SLC24A4: variants seen among roughly 807,000 people sequenced by gnomAD.
SLC24A4 encodes the protein solute carrier family 24 member 4.
SLC24A4 carries 53 observed loss-of-function variants against 79.0 expected under a neutral mutation model. The observed-to-expected ratio is 0.67, with a 90% confidence interval of 0.54 to 0.84. The LOEUF (loss-of-function observed/expected upper bound fraction) is 0.84. Among genes scored for constraint, SLC24A4 ranks in the 40% least tolerant of loss-of-function variants. The pLI is 0.00. For missense variants in SLC24A4, 731 were observed against 822.0 expected (o/e 0.89, Z 1.35); for synonymous variants, 323 against 323.8 (o/e 1.00, Z 0.03).
chr14:92,443,582 A>C, intron 7 of SLC24A4, 108 bp downstream of exon 7: 1 of 1,107,840 alleles, frequency 9.0e-7, no homozygotes, highest in Non-Finnish European at 1.3e-6. Flanking sequence ...GACTCACAGC[A>C]CACAATAGTG....
At chr14:92,437,214 T>C (rs150678409) in intron 3 of SLC24A4, among the ~76,000 whole-genome samples, 40 of 152,356 alleles carry the variant, frequency 2.6e-4, no homozygotes, top group African/African-American at 9.6e-4. Flanking sequence ...ATTCTCTGTT[T>C]TCCACTCTCT....
At chr14:92,465,223 T>C (rs2139874341) in intron 12 of SLC24A4, among the ~76,000 whole-genome samples, 1 of 152,280 alleles carries the variant, frequency 6.6e-6, no homozygotes, top group Admixed American at 6.5e-5. Context: ...CAGGGGTCCT[T>C]GAAGTGGGTG....
At chr14:92,457,852 G>A (rs1371298646) in intron 12 of SLC24A4, among the ~76,000 whole-genome samples, 1 of 152,240 alleles carries the variant, frequency 6.6e-6, no homozygotes, top group Non-Finnish European at 1.5e-5. Flanking sequence ...CTGAGCACCT[G>A]ACTTGGGAGG....
At chr14:92,415,529 C>G (rs989755521) in intron 2 of SLC24A4, among the ~76,000 whole-genome samples, 1 of 152,306 alleles carries the variant, frequency 6.6e-6, no homozygotes, top group African/African-American at 2.4e-5. Flanking sequence ...ATGATCTCAG[C>G]TCACTGCAAC....
At position 92,355,698 on chromosome 14, in the gene SLC24A4, G is replaced by T. The variant is rs563417217; in HGVS notation, c.241+29720G>T. On this transcript the variant is annotated intron_variant, in intron 2 of 16. Coordinates refer to ENST00000532405, the MANE Select transcript of SLC24A4 (RefSeq NM_153646.4). The stretch of plus-strand genomic sequence containing the variant: ...CCTGCTCCAGTTTCAGGAGAATCTG[G>T]CTGAGACCCTGTTATCATACCTTGG... Among the ~76,000 whole-genome samples, 3 of 152,308 alleles carry T rather than the reference G, an allele frequency of 2.0e-5. No homozygotes were observed. The South Asian group carries it at 6.2e-4, about 32-fold the overall frequency.
intron 12 of SLC24A4, among the ~76,000 whole-genome samples, chr14:92,479,371 G>C (rs111944297): frequency 1.3e-5 from 2 of 152,356 alleles, no homozygotes; most frequent in African/African-American, 4.8e-5. Context: ...ATCCAGTTGA[G>C]AAGGTTCCCT....
chr14:92,447,296 T>G, intron 8 of SLC24A4, 75 bp from the exon 9 acceptor site: 2 of 1,391,710 alleles, frequency 1.4e-6, no homozygotes, highest in Non-Finnish European at 2.0e-6. Flanking sequence ...CTTCCCCACT[T>G]CTGGACCCCT....
chr14:92,391,117 A>G (rs757916794), intron 2 of SLC24A4, among the ~76,000 whole-genome samples: 113 of 152,276 alleles, frequency 7.4e-4, no homozygotes, highest in Middle Eastern at 6.8e-3. Flanking sequence ...GGCCCCACCT[A>G]CATGCAAGGG....
At chr14:92,335,829 G>C (rs1419935652) in intron 2 of SLC24A4, among the ~76,000 whole-genome samples, 2 of 152,158 alleles carry the variant, frequency 1.3e-5, no homozygotes, top group Non-Finnish European at 2.9e-5. Flanking sequence ...AATAAGTGGG[G>C]TAGAAAAAGA....
At chr14:92,340,312 T>C (rs1373192999) in intron 2 of SLC24A4, among the ~76,000 whole-genome samples, 1 of 152,226 alleles carries the variant, frequency 6.6e-6, no homozygotes, top group East Asian at 1.9e-4. Flanking sequence ...TCGTAATCAC[T>C]GCATGTGACC....
chr14:92,393,826 C>T (rs1889624242), intron 2 of SLC24A4, among the ~76,000 whole-genome samples: 1 of 151,948 alleles, frequency 6.6e-6, no homozygotes, highest in Non-Finnish European at 1.5e-5. Flanking sequence ...GCCTGGCCAG[C>T]CTGGTGAAAC....
intron 12 of SLC24A4, 87 bp from the exon 13 acceptor site, chr14:92,482,593 A>C: frequency 7.6e-7 from 1 of 1,320,598 alleles, no homozygotes; most frequent in South Asian, 1.5e-5. Context: ...TTTAGCTTGA[A>C]GACTAAATCG....
At chr14:92,389,375 G>C (rs569456788) in intron 2 of SLC24A4, among the ~76,000 whole-genome samples, 1 of 152,242 alleles carries the variant, frequency 6.6e-6, no homozygotes, top group Admixed American at 6.5e-5. Context: ...TGACATTTCT[G>C]CTAGAAATTA....
At chr14:92,356,738 G>T (rs1280228253) in intron 2 of SLC24A4, among the ~76,000 whole-genome samples, 1 of 152,172 alleles carries the variant, frequency 6.6e-6, no homozygotes, top group Non-Finnish European at 1.5e-5. Flanking sequence ...GGCCCCTATG[G>T]ACACACAGTG....
At chr14:92,362,845 G>A (rs1052236723) in intron 2 of SLC24A4, among the ~76,000 whole-genome samples, 2 of 152,192 alleles carry the variant, frequency 1.3e-5, no homozygotes, top group East Asian at 1.9e-4. Context: ...AGAGAGAGGC[G>A]GCAGCTCCGG....
chr14:92,384,317 G>C (rs10132746), intron 2 of SLC24A4, among the ~76,000 whole-genome samples: 10,429 of 152,192 alleles, frequency 0.069, 950 homozygotes, highest in African/African-American at 0.21. Flanking sequence ...CAAGACTGAA[G>C]GGGAGGGAGT....
At chr14:92,460,014 C>G (rs528844978) in intron 12 of SLC24A4, among the ~76,000 whole-genome samples, 1 of 152,064 alleles carries the variant, frequency 6.6e-6, no homozygotes, top group Non-Finnish European at 1.5e-5. Flanking sequence ...ATCACAGGAC[C>G]AGGGGAGGAA....
At chr14:92,401,492 G>A (rs1439218490) in intron 2 of SLC24A4, among the ~76,000 whole-genome samples, 2 of 152,148 alleles carry the variant, frequency 1.3e-5, no homozygotes, top group Admixed American at 1.3e-4. Flanking sequence ...AATGGCCAGA[G>A]TGCATGTGTG....
intron 2 of SLC24A4, among the ~76,000 whole-genome samples, chr14:92,378,503 G>T (rs955999296): frequency 6.6e-6 from 1 of 152,170 alleles, no homozygotes; most frequent in Non-Finnish European, 1.5e-5. Context: ...GAGCATCTTT[G>T]TGTGTTTTGG....
Sources: allele counts gnomAD v4.1 joint callset (sites outside exome capture counted in the v4.1 genomes callset), GRCh38; gene constraint gnomAD v4.1.1; transcripts MANE v1.5; gene names NCBI Gene and HGNC (gene_info 2026-07-23, HGNC 2026-07-21).